Variants in UMAD1 observed in about 807,000 individuals in gnomAD.
UMAD1 encodes the protein UBAP1-MVB12-associated (UMA)-domain containing protein 1.
UMAD1 carries 8 observed loss-of-function variants against 6.1 expected under a neutral mutation model. The ratio of observed to expected loss-of-function variants is 1.30; its 90% CI spans 0.76 to 2.35. UMAD1 has a LOEUF of 2.35. Ranked by LOEUF, UMAD1 falls within the 30% of genes most tolerant of loss-of-function variation. UMAD1 has a pLI of 0.00. For missense variants in UMAD1, 130 were observed against 78.4 expected, an observed-to-expected ratio of 1.66 and a Z score of -2.49; for synonymous variants, 56 against 31.4, an observed-to-expected ratio of 1.78 and a Z score of -2.61.
At chr7:7,649,909 T>C (rs1350978337) in intron 1 of UMAD1, among the ~76,000 whole-genome samples, 1 of 152,214 alleles carries the variant, frequency 6.6e-6, no homozygotes, top group African/African-American at 2.4e-5. Flanking sequence ...AGTGAAAAGA[T>C]GGCTGTCTGT....
At chr7:7,789,929 T>A (rs1032818883) in intron 2 of UMAD1, among the ~76,000 whole-genome samples, 1 of 152,246 alleles carries the variant, frequency 6.6e-6, no homozygotes, top group Non-Finnish European at 1.5e-5. Context: ...GTTCAGATAT[T>A]TCTTTGAGAC....
intron 2 of UMAD1, among the ~76,000 whole-genome samples, chr7:7,779,189 G>C (rs1246041939): frequency 1.3e-5 from 2 of 152,064 alleles, no homozygotes; most frequent in African/African-American, 2.4e-5. Flanking sequence ...TTATCCTCTG[G>C]CTCAAATTTT....
intron 2 of UMAD1, among the ~76,000 whole-genome samples, chr7:7,786,985 C>T (rs975584774): frequency 1.3e-5 from 2 of 152,192 alleles, no homozygotes; most frequent in Non-Finnish European, 2.9e-5. Context: ...CCATGCTAGT[C>T]CTCCAAGCCT....
intron 2 of UMAD1, among the ~76,000 whole-genome samples, chr7:7,798,408 T>G (rs1583833073): frequency 6.6e-6 from 1 of 152,228 alleles, no homozygotes; most frequent in Non-Finnish European, 1.5e-5. Flanking sequence ...CTTGTAAAAT[T>G]GTTTCCAGCC....
chr7:7,858,334 A>G (rs1414467603), intron 3 of UMAD1, among the ~76,000 whole-genome samples: 1 of 152,226 alleles, frequency 6.6e-6, no homozygotes, highest in African/African-American at 2.4e-5. Flanking sequence ...TCAGGAGTGA[A>G]CCATAAATTA....
chr7:7,800,723 T>C (rs1263791849), intron 2 of UMAD1, among the ~76,000 whole-genome samples: 1 of 152,228 alleles, frequency 6.6e-6, no homozygotes. Flanking sequence ...TTGTGTTGCA[T>C]ATGGAGAAAT....
chr7:7,680,723 A>C (rs1779887678), intron 2 of UMAD1, among the ~76,000 whole-genome samples: 1 of 151,794 alleles, frequency 6.6e-6, no homozygotes, highest in African/African-American at 2.4e-5. Context: ...GGTTGCTTTC[A>C]TCAGTATTTT....
chr7:7,773,531 T>G (rs1782141595), intron 2 of UMAD1, among the ~76,000 whole-genome samples: 1 of 152,144 alleles, frequency 6.6e-6, no homozygotes, highest in African/African-American at 2.4e-5. Flanking sequence ...GCAAAATGAC[T>G]TTCAAGGTCA....
intron 2 of UMAD1, chr7:7,685,706 C>G (rs937128604): frequency 6.6e-6 from 1 of 152,160 alleles, no homozygotes; most frequent in African/African-American, 2.4e-5. Flanking sequence ...TTGTACTTTT[C>G]TTCTTTTCTT....
intron 3 of UMAD1, among the ~76,000 whole-genome samples, chr7:7,843,176 C>T (rs1783715591): frequency 6.6e-6 from 1 of 152,174 alleles, no homozygotes; most frequent in Admixed American, 6.5e-5. Flanking sequence ...ATTTTAAGTT[C>T]ACTGCTTTTT....
intron 2 of UMAD1, among the ~76,000 whole-genome samples, chr7:7,743,902 TTAAAA>T (rs1304712658): frequency 2.0e-5 from 3 of 152,074 alleles, no homozygotes; most frequent in African/African-American, 7.2e-5. Flanking sequence ...GAAACTATTT[TTAAAA>T]TAAAATCTTT....
intron 2 of UMAD1, among the ~76,000 whole-genome samples, chr7:7,696,239 C>T (rs1345634128): frequency 2.0e-5 from 3 of 150,750 alleles, no homozygotes; most frequent in Admixed American, 1.3e-4. Flanking sequence ...AATTTGTTTT[C>T]TCCTTGAACT....
chr7:7,667,358 G>A (rs931105877), intron 1 of UMAD1, among the ~76,000 whole-genome samples: 8 of 152,206 alleles, frequency 5.3e-5, no homozygotes, highest in Non-Finnish European at 8.8e-5. Context: ...AACTCCAGGC[G>A]GAAGTCCAGC....
rs142376099 is a variant in UMAD1 at position 7,734,943 on chromosome 7, A to G, written c.82+61490A>G. Among the ~76,000 whole-genome samples, 661 of 152,290 alleles carry G rather than the reference A, an allele frequency of 4.3e-3. 4 individuals are homozygous for G. Among genetic ancestry groups the G allele is most frequent in the African/African-American group, 0.015 (625 of 41,574 alleles). ...AAAAAGCAGATTGAATTTGAATTCT[A>G]TTTTTACATAGTAAATATAAAATTG... On this transcript the variant is annotated intron_variant, in intron 2 of 3. Coordinates refer to ENST00000682710, the MANE Select transcript of UMAD1 (RefSeq NM_001302348.2).
intron 2 of UMAD1, among the ~76,000 whole-genome samples, chr7:7,747,468 T>C (rs1781593961): frequency 6.6e-6 from 1 of 152,192 alleles, no homozygotes; most frequent in Admixed American, 6.5e-5. Context: ...TGCAGTGACT[T>C]GGTCAAGGTC....
intron 2 of UMAD1, among the ~76,000 whole-genome samples, chr7:7,754,525 A>G (rs1051669590): frequency 6.6e-6 from 1 of 152,174 alleles, no homozygotes; most frequent in Non-Finnish European, 1.5e-5. Flanking sequence ...TCAAATGGGT[A>G]GCTTTCCTTA....
intron 3 of UMAD1, among the ~76,000 whole-genome samples, chr7:7,856,285 G>A (rs1192352008): frequency 6.6e-6 from 1 of 152,230 alleles, no homozygotes; most frequent in African/African-American, 2.4e-5. Flanking sequence ...ATAAAGAAAA[G>A]AGGTTTAATT....
At chr7:7,848,615 A>G (rs1219725477) in intron 3 of UMAD1, among the ~76,000 whole-genome samples, 1 of 152,100 alleles carries the variant, frequency 6.6e-6, no homozygotes, top group Non-Finnish European at 1.5e-5. Flanking sequence ...TATTTTTCTG[A>G]GCATTGTTAA....
In UMAD1 at chr7:7,769,269, T is replaced by C. The variant is rs1782054944; in HGVS notation, c.83-32401T>C. Among the ~76,000 whole-genome samples, 3 of 152,222 alleles carry C rather than the reference T, an allele frequency of 2.0e-5. No individual in the cohort carries two copies. In the South Asian group the frequency reaches 6.2e-4, roughly 32 times the overall value. On this transcript the variant is annotated intron_variant, in intron 2 of 3. Transcript: ENST00000682710. ...ATCTGCTTCTGTCAATTAGGGAGAC[T>C]AAGTAGCTTTAACTTCCATAAAAAT...
Sources: gnomAD v4.1 joint callset for allele counts (sites outside exome capture counted in the v4.1 genomes callset) on GRCh38, gnomAD v4.1.1 for gene constraint, MANE v1.5 for transcripts, NCBI Gene and HGNC (gene_info 2026-07-23, HGNC 2026-07-21) for gene names.